Variants in MYT1L observed in about 807,000 individuals in gnomAD.
MYT1L encodes myelin transcription factor 1-like protein.
In MYT1L, 12 loss-of-function variants were observed where a neutral mutation model predicts 126.7. That is an observed-to-expected ratio of 0.09 (90% confidence interval 0.06 to 0.15). The LOEUF is 0.15. Among genes scored for constraint, MYT1L ranks in the 10% least tolerant of loss-of-function variants. The probability of loss-of-function intolerance (pLI) is 1.00; values close to 1 mark genes in which losing one functional copy is unlikely to be tolerated. For synonymous variants in MYT1L, 541 were observed against 604.2 expected (o/e 0.90, Z 1.53); for missense variants, 979 against 1,585.2 (o/e 0.62, Z 6.49).
intron 3 of MYT1L, among the ~76,000 whole-genome samples, chr2:2,056,128 A>C (rs939852612): frequency 1.4e-4 from 22 of 152,234 alleles, no homozygotes; most frequent in African/African-American, 4.8e-4. Context: ...TCTGTTCTCC[A>C]GGCGCACATT....
intron 21 of MYT1L, among the ~76,000 whole-genome samples, chr2:1,810,807 T>C (rs547888874): frequency 6.6e-5 from 10 of 152,344 alleles, no homozygotes; most frequent in African/African-American, 2.4e-4. Context: ...TCCAGTATTC[T>C]TCATCCACAC....
intron 1 of MYT1L, among the ~76,000 whole-genome samples, chr2:2,300,266 T>C (rs1156463786): frequency 1.3e-5 from 2 of 152,236 alleles, no homozygotes; most frequent in African/African-American, 4.8e-5. Flanking sequence ...GACTTCTGAT[T>C]GCCTCTGGAG....
chr2:2,142,458 A>G (rs2084137690), intron 3 of MYT1L, among the ~76,000 whole-genome samples: 1 of 152,090 alleles, frequency 6.6e-6, no homozygotes, highest in Non-Finnish European at 1.5e-5. Context: ...GTTTGTTGTT[A>G]TGCGAATACC....
intron 13 of MYT1L, among the ~76,000 whole-genome samples, chr2:1,906,539 T>C (rs2051081405): frequency 6.6e-6 from 1 of 152,224 alleles, no homozygotes; most frequent in African/African-American, 2.4e-5. Flanking sequence ...GATAGCCATA[T>C]CTATACTTTT....
At chr2:2,297,431 G>A (rs1447591130) in intron 1 of MYT1L, among the ~76,000 whole-genome samples, 1 of 152,192 alleles carries the variant, frequency 6.6e-6, no homozygotes, top group South Asian at 2.1e-4. Flanking sequence ...AGGCCCTGGG[G>A]TTAGTGCTTT....
At chr2:1,998,426 C>A (rs891103232) in intron 4 of MYT1L, among the ~76,000 whole-genome samples, 1 of 152,170 alleles carries the variant, frequency 6.6e-6, no homozygotes, top group Non-Finnish European at 1.5e-5. Flanking sequence ...GGGACATTTT[C>A]CCCAGAATTC....
chr2:2,282,839 C>T (rs1321379224), intron 2 of MYT1L, among the ~76,000 whole-genome samples: 1 of 152,200 alleles, frequency 6.6e-6, no homozygotes, highest in Admixed American at 6.5e-5. Context: ...CTTTGGGAAA[C>T]CGAGGTGGGC....
At chr2:1,865,317 G>A (rs963422640) in intron 18 of MYT1L, among the ~76,000 whole-genome samples, 1 of 152,156 alleles carries the variant, frequency 6.6e-6, no homozygotes, top group African/African-American at 2.4e-5. Context: ...CTGCTCCTGC[G>A]GCCGTGCGGG....
At position 1,832,467 on chromosome 2, in the gene MYT1L, G is replaced by A. The variant is rs116561762; in HGVS notation, c.3080+6682C>T. 7.6e-3 allele frequency among the ~76,000 whole-genome samples: 1,162 copies of A among 152,270 alleles called. 4 individuals carry two copies. Among genetic ancestry groups the A allele is most frequent in the Non-Finnish European group, 0.011 (762 of 68,020 alleles). On this transcript the variant is annotated intron_variant, in intron 21 of 24. Transcript: ENST00000647738. ...TTCCCAACTGCCAGCATTGCCACCC[G>A]TGCAGCTGCTGGGGCTGGGGCCACC...
intron 19 of MYT1L, among the ~76,000 whole-genome samples, chr2:1,849,953 A>G (rs777407487): frequency 7.5e-5 from 11 of 147,346 alleles, no homozygotes; most frequent in Middle Eastern, 3.2e-3. Context: ...GACTGTTGGG[A>G]TCTGGTCACT....
chr2:2,193,016 G>A (rs569261987), intron 2 of MYT1L, among the ~76,000 whole-genome samples: 3 of 152,186 alleles, frequency 2.0e-5, no homozygotes, highest in Admixed American at 6.5e-5. Flanking sequence ...AGACTGGAGT[G>A]CAGTGGCGCA....
At chr2:2,148,963 C>T (rs894614002) in intron 3 of MYT1L, among the ~76,000 whole-genome samples, 1 of 152,144 alleles carries the variant, frequency 6.6e-6, no homozygotes. Context: ...CAGTAAGATT[C>T]ACATCAGGCT....
intron 19 of MYT1L, chr2:1,842,208 C>G (rs1015132755): frequency 2.0e-5 from 3 of 152,288 alleles, no homozygotes; most frequent in Non-Finnish European, 4.4e-5. Context: ...CACGCAGATT[C>G]CCAGGAGGAA....
chr2:2,275,515 A>G (rs984259910), intron 2 of MYT1L, among the ~76,000 whole-genome samples: 2 of 152,074 alleles, frequency 1.3e-5, no homozygotes, highest in Admixed American at 1.3e-4. Flanking sequence ...TGAGAAGAAC[A>G]AAACCAGGAG....
chr2:1,933,031 C>T (rs775784236), intron 9 of MYT1L, among the ~76,000 whole-genome samples: 3 of 152,028 alleles, frequency 2.0e-5, no homozygotes, highest in Non-Finnish European at 4.4e-5. Context: ...TGGAGGCTCA[C>T]GGAGGACCTC....
chr2:2,028,194 G>C (rs2065842259), intron 4 of MYT1L, among the ~76,000 whole-genome samples: 1 of 152,252 alleles, frequency 6.6e-6, no homozygotes, highest in African/African-American at 2.4e-5. Context: ...TCTGGGTCTG[G>C]CACAGTGCTT....
intron 1 of MYT1L, among the ~76,000 whole-genome samples, chr2:2,305,674 C>G (rs529176110): frequency 6.6e-6 from 1 of 152,224 alleles, no homozygotes; most frequent in Admixed American, 6.5e-5. Context: ...GTACAGGATA[C>G]ATGACTGGGG....
At chr2:1,817,377 C>T (rs1558643553) in intron 21 of MYT1L, among the ~76,000 whole-genome samples, 1 of 152,330 alleles carries the variant, frequency 6.6e-6, no homozygotes, top group East Asian at 1.9e-4. Flanking sequence ...ACCCACACTG[C>T]GGTTCAGCAC....
chr2:2,121,396 T>G (rs2080987843), intron 3 of MYT1L, among the ~76,000 whole-genome samples: 1 of 151,824 alleles, frequency 6.6e-6, no homozygotes, highest in Non-Finnish European at 1.5e-5. Flanking sequence ...AGGCTGGTCT[T>G]GGACTCCTGA....
Sources: gnomAD v4.1 joint callset for allele counts (sites outside exome capture counted in the v4.1 genomes callset) on GRCh38, gnomAD v4.1.1 for gene constraint, MANE v1.5 for transcripts, NCBI Gene and HGNC (gene_info 2026-07-23, HGNC 2026-07-21) for gene names.